Variants in ESR1 observed in about 807,000 individuals in gnomAD.
ESR1 encodes the protein estrogen receptor.
Under a neutral mutation model 52.7 loss-of-function variants are expected in ESR1, and 12 were observed. The observed-to-expected ratio is 0.23, with a 90% CI of 0.15 to 0.37. The LOEUF is 0.37. Ranked by LOEUF, ESR1 falls within the 10% of genes least tolerant of loss-of-function variation. The probability of loss-of-function intolerance (pLI) is 1.00; values close to 1 mark genes in which losing one functional copy is unlikely to be tolerated. For missense variants in ESR1, 584 were observed against 779.7 expected (o/e 0.75, Z 2.99); for synonymous variants, 305 against 316.8 (o/e 0.96, Z 0.39).
chr6:151,938,068 A>G (rs2034584199), intron 3 of ESR1, among the ~76,000 whole-genome samples: 1 of 152,182 alleles, frequency 6.6e-6, no homozygotes, highest in Non-Finnish European at 1.5e-5. Context: ...CTCTTAGTGT[A>G]TTTCTTTGTC....
chr6:151,952,413 T>C (rs964861560), intron 4 of ESR1, among the ~76,000 whole-genome samples: 4 of 152,136 alleles, frequency 2.6e-5, no homozygotes, highest in African/African-American at 7.2e-5. Flanking sequence ...CCCCTGCCAT[T>C]CTCCCCTTCA....
At chr6:152,091,041 T>C (rs1446807759) in intron 6 of ESR1, among the ~76,000 whole-genome samples, 1 of 152,170 alleles carries the variant, frequency 6.6e-6, no homozygotes, top group East Asian at 1.9e-4. Flanking sequence ...TTTTTGAGGG[T>C]CCACACTGTC....
chr6:151,920,227 G>C (rs1432663078), intron 3 of ESR1, among the ~76,000 whole-genome samples: 7 of 151,494 alleles, frequency 4.6e-5, no homozygotes, highest in African/African-American at 1.7e-4. Flanking sequence ...GTAGAGACTA[G>C]TCATTCCAAA....
At chr6:151,834,708 A>G (rs976451582) in intron 1 of ESR1, among the ~76,000 whole-genome samples, 1 of 152,142 alleles carries the variant, frequency 6.6e-6, no homozygotes, top group Non-Finnish European at 1.5e-5. Flanking sequence ...TTAAAAAAAA[A>G]AGAAAAGAAA....
intron 5 of ESR1, among the ~76,000 whole-genome samples, chr6:152,030,039 C>T (rs557183464): frequency 6.6e-6 from 1 of 152,242 alleles, no homozygotes; most frequent in East Asian, 1.9e-4. Flanking sequence ...TCCAGCCAAA[C>T]TAAGCTTCAT....
intron 5 of ESR1, among the ~76,000 whole-genome samples, chr6:152,018,894 C>T (rs1395339975): frequency 6.6e-6 from 1 of 151,330 alleles, no homozygotes; most frequent in African/African-American, 2.4e-5. Context: ...GGACTCTGTT[C>T]TGGGTTGTCT....
At chr6:151,959,304 T>C (rs1465686758) in intron 4 of ESR1, among the ~76,000 whole-genome samples, 1 of 152,196 alleles carries the variant, frequency 6.6e-6, no homozygotes, top group East Asian at 1.9e-4. Context: ...ACTTAGTCAT[T>C]TGTGACAGCA....
At chr6:151,987,706 G>A (rs994677249) in intron 4 of ESR1, among the ~76,000 whole-genome samples, 6 of 151,994 alleles carry the variant, frequency 3.9e-5, no homozygotes, top group Non-Finnish European at 7.4e-5. Flanking sequence ...CACCACATCC[G>A]GCTCACCAAA....
intron 4 of ESR1, 130 bp downstream of exon 4, chr6:151,944,638 T>C (rs2035490704): frequency 1.3e-6 from 1 of 786,614 alleles, no homozygotes; most frequent in Non-Finnish European, 2.2e-6. Flanking sequence ...TTACAGGAGA[T>C]GTGTTCATTT....
At chr6:151,846,176 G>A (rs3936674) in intron 2 of ESR1, among the ~76,000 whole-genome samples, 35,820 of 152,124 alleles carry the variant, frequency 0.24, 5,146 homozygotes, top group Middle Eastern at 0.38. Context: ...GTGAAGACCA[G>A]GAGGAAAGGC....
rs528186142 is a variant in ESR1, at chr6:151,971,360, C to T, written c.1096+26852C>T. On this transcript the variant is annotated intron_variant, in intron 4 of 7. Transcript: ENST00000206249. ...CTCACTCCTTTCCCTCCCTTTCTCCCGAGTCCCCAAAGTCCATTGTATCAT... is the reference window on the plus strand; with the variant it reads ...CTCACTCCTTTCCCTCCCTTTCTCCTGAGTCCCCAAAGTCCATTGTATCAT... Among the ~76,000 whole-genome samples the T allele has an allele frequency of 8.5e-5, 13 of 152,086 alleles. No homozygotes were observed. The East Asian group carries it at 1.6e-3, about 18-fold the overall frequency.
chr6:151,861,774 T>A (rs1298995942), intron 2 of ESR1, among the ~76,000 whole-genome samples: 1 of 152,138 alleles, frequency 6.6e-6, no homozygotes, highest in African/African-American at 2.4e-5. Flanking sequence ...TACACTTTTT[T>A]TTTTGCCTGC....
At chr6:151,743,194 G>A (rs1385383720) in intron 2 of ESR1, among the ~76,000 whole-genome samples, 2 of 152,112 alleles carry the variant, frequency 1.3e-5, no homozygotes, top group African/African-American at 2.4e-5. Flanking sequence ...AGCTCTGGGG[G>A]CTGACACTGT....
At chr6:152,082,098 C>T (rs1272628343) in intron 6 of ESR1, among the ~76,000 whole-genome samples, 2 of 152,166 alleles carry the variant, frequency 1.3e-5, no homozygotes, top group East Asian at 1.9e-4. Flanking sequence ...GGGACTCCTC[C>T]CTAACTCATT....
At chr6:152,057,425 C>G (rs1368978241) in intron 5 of ESR1, among the ~76,000 whole-genome samples, 1 of 152,118 alleles carries the variant, frequency 6.6e-6, no homozygotes. Context: ...AATTAAGTTG[C>G]TCCCATTGAA....
chr6:152,057,694 T>TACACAC lies in ESR1; in HGVS notation c.1236-3268_1236-3263dup, dbSNP rs10560254. On this transcript the variant is annotated intron_variant, in intron 5 of 7. Transcript: ENST00000206249. ...TTCCCTAAAGGAACATACACATGCA[T>TACACAC]ACACACACACACACACACACACACA... Among the ~76,000 whole-genome samples the TACACAC allele has an allele frequency of 7.7e-3, 1,122 of 145,812 alleles. 9 individuals are homozygous for TACACAC. Among genetic ancestry groups the TACACAC allele is most frequent in the African/African-American group, 0.017 (684 of 40,180 alleles).
intron 6 of ESR1, among the ~76,000 whole-genome samples, chr6:152,085,848 G>C (rs1305194607): frequency 6.6e-6 from 1 of 152,228 alleles, no homozygotes; most frequent in Non-Finnish European, 1.5e-5. Flanking sequence ...TCCATGGGAA[G>C]AGTGCCAAGA....
intron 5 of ESR1, among the ~76,000 whole-genome samples, chr6:152,027,623 G>A (rs3020422): frequency 0.44 from 66,912 of 152,058 alleles, 16,676 homozygotes; most frequent in African/African-American, 0.67. Context: ...AGTATAAAAT[G>A]TTGCTCACAA....
At chr6:151,996,966 A>G (rs372965304) in intron 4 of ESR1, among the ~76,000 whole-genome samples, 1 of 152,090 alleles carries the variant, frequency 6.6e-6, no homozygotes. Context: ...GTTCCAGACC[A>G]TCCAATGGTG....
Sources: allele counts gnomAD v4.1 joint callset (sites outside exome capture counted in the v4.1 genomes callset), GRCh38; gene constraint gnomAD v4.1.1; transcripts MANE v1.5; gene names NCBI Gene and HGNC (gene_info 2026-07-23, HGNC 2026-07-21).